The following CSMD1 variants were observed in gnomAD, a reference collection of about 807,000 sequenced individuals.
CSMD1 encodes CUB and sushi domain-containing protein 1.
Under a neutral mutation model 417.5 loss-of-function variants are expected in CSMD1, and 213 were observed. The observed-to-expected ratio is 0.51, with a 90% CI of 0.46 to 0.57. CSMD1 has a LOEUF of 0.57. Ranked by LOEUF, CSMD1 falls within the 20% of genes least tolerant of loss-of-function variation. The probability of loss-of-function intolerance (pLI) is 0.00; values close to 1 mark genes in which losing one functional copy is unlikely to be tolerated. For missense variants in CSMD1, 6,923 were observed against 4,529.7 expected (o/e 1.53, Z -15.17); for synonymous variants, 2,862 against 1,736.8 (o/e 1.65, Z -16.11).
intron 3 of CSMD1, among the ~76,000 whole-genome samples, chr8:4,115,156 T>C (rs1315585190): frequency 6.6e-6 from 1 of 152,210 alleles, no homozygotes; most frequent in East Asian, 1.9e-4. Flanking sequence ...CAATATCTCA[T>C]TTTAAGAAAT....
At chr8:3,442,654 C>T (rs1297249434) in intron 12 of CSMD1, among the ~76,000 whole-genome samples, 1 of 152,116 alleles carries the variant, frequency 6.6e-6, no homozygotes, top group East Asian at 1.9e-4. Flanking sequence ...TGTTTGCATA[C>T]TGTTGAAATC....
chr8:3,772,690 T>C (rs34813157), intron 5 of CSMD1, among the ~76,000 whole-genome samples: 17,289 of 142,420 alleles, frequency 0.12, 1,272 homozygotes, highest in East Asian at 0.28. Flanking sequence ...TACATATATA[T>C]ACAAATATAT....
intron 5 of CSMD1, among the ~76,000 whole-genome samples, chr8:3,787,946 T>C (rs1799537769): frequency 6.6e-6 from 1 of 152,166 alleles, no homozygotes; most frequent in Non-Finnish European, 1.5e-5. Flanking sequence ...TGGGCAGAAA[T>C]CCTTGCATGG....
At chr8:4,175,390 C>G (rs1386872245) in intron 3 of CSMD1, among the ~76,000 whole-genome samples, 2 of 152,142 alleles carry the variant, frequency 1.3e-5, no homozygotes, top group Non-Finnish European at 1.5e-5. Context: ...GATCTTCTCT[C>G]TTACCTGCGC....
chr8:4,414,853 C>A (rs1412873147), intron 3 of CSMD1, among the ~76,000 whole-genome samples: 1 of 152,072 alleles, frequency 6.6e-6, no homozygotes, highest in Non-Finnish European at 1.5e-5. Flanking sequence ...AGAGTAATGG[C>A]CAGAGAGTAG....
intron 2 of CSMD1, among the ~76,000 whole-genome samples, chr8:4,543,484 G>C (rs1250640934): frequency 6.6e-6 from 1 of 151,782 alleles, no homozygotes; most frequent in Non-Finnish European, 1.5e-5. Flanking sequence ...TTTCCCTTTA[G>C]CCCTGAATAA....
chr8:4,029,028 C>T (rs1045329901), intron 4 of CSMD1, among the ~76,000 whole-genome samples: 13 of 152,104 alleles, frequency 8.5e-5, no homozygotes, highest in Admixed American at 7.9e-4. Context: ...GGAGAGGGCA[C>T]TAACTTACAA....
At chr8:3,240,365 G>C (rs1206046864) in intron 26 of CSMD1, among the ~76,000 whole-genome samples, 6 of 152,248 alleles carry the variant, frequency 3.9e-5, no homozygotes, top group Admixed American at 2.6e-4. Flanking sequence ...TAATGGTTTT[G>C]TTAGGATGGC....
At chr8:3,185,822 G>T (rs930633959) in intron 36 of CSMD1, among the ~76,000 whole-genome samples, 4 of 152,138 alleles carry the variant, frequency 2.6e-5, no homozygotes, top group African/African-American at 9.7e-5. Context: ...TATAGATTCT[G>T]AAGAAACTTA....
chr8:3,360,938 T>G lies in CSMD1; in HGVS notation c.3116-1598A>C, dbSNP rs191128531. On this transcript the variant is annotated intron_variant, in intron 20 of 69. Coordinates refer to ENST00000635120, the MANE Select transcript of CSMD1 (RefSeq NM_033225.6). ...ACCTGCACTTTTATAAAAACTTTTA[T>G]GGAACTCTGTACCTAAACACTTCCT... Among the ~76,000 whole-genome samples the G allele has an allele frequency of 2.6e-4, 39 of 152,208 alleles. No homozygotes were observed. The East Asian group carries it at 5.0e-3, about 20-fold the overall frequency.
chr8:4,178,717 G>C (rs2460374), intron 3 of CSMD1, among the ~76,000 whole-genome samples: 143,532 of 152,280 alleles, frequency 0.94, 68,128 homozygotes, highest in Non-Finnish European at 0.99. Flanking sequence ...TAAGCTGATA[G>C]GCAACTTCAG....
At chr8:3,451,589 C>G (rs903304340) in intron 12 of CSMD1, among the ~76,000 whole-genome samples, 1 of 152,070 alleles carries the variant, frequency 6.6e-6, no homozygotes, top group Non-Finnish European at 1.5e-5. Context: ...TCCCCATTTC[C>G]TGTTTTTGTC....
intron 21 of CSMD1, among the ~76,000 whole-genome samples, chr8:3,352,927 T>G (rs543442201): frequency 1.3e-5 from 2 of 151,886 alleles, no homozygotes; most frequent in Admixed American, 1.3e-4. Flanking sequence ...CAAAAACACA[T>G]GGGGGTATAT....
At position 4,195,897 on chromosome 8, in the gene CSMD1, C is replaced by G. The variant is rs539222939; in HGVS notation, c.416-163798G>C. On this transcript the variant is annotated intron_variant, in intron 3 of 69. Coordinates refer to ENST00000635120, the MANE Select transcript of CSMD1 (RefSeq NM_033225.6). ...TACGGCAGAGGACTCAGCACAGTCC[C>G]ACCCCGAGAAAACTATGAGATAAAA... is the stretch of plus-strand genomic sequence containing the variant. Among the ~76,000 whole-genome samples, 6 of 152,170 alleles carry G rather than the reference C, an allele frequency of 3.9e-5. No individual in the cohort carries two copies. In the East Asian group the frequency reaches 9.7e-4, roughly 25 times the overall value.
At chr8:3,712,821 A>G (rs571976870) in intron 6 of CSMD1, among the ~76,000 whole-genome samples, 1 of 152,296 alleles carries the variant, frequency 6.6e-6, no homozygotes, top group South Asian at 2.1e-4. Flanking sequence ...ACAATTTCAA[A>G]TACATTGTGG....
At chr8:3,432,592 C>T (rs571643945) in intron 12 of CSMD1, among the ~76,000 whole-genome samples, 1 of 149,384 alleles carries the variant, frequency 6.7e-6, no homozygotes, top group African/African-American at 2.5e-5. Flanking sequence ...TCACTGCAAC[C>T]TCAACTTCTG....
At chr8:4,939,318 G>T (rs1807826666) in intron 1 of CSMD1, among the ~76,000 whole-genome samples, 1 of 152,164 alleles carries the variant, frequency 6.6e-6, no homozygotes, top group African/African-American at 2.4e-5. Context: ...CAAAGGAGAA[G>T]TCCATATGTC....
chr8:3,094,356 C>A (rs534286645), intron 47 of CSMD1, among the ~76,000 whole-genome samples: 17 of 152,138 alleles, frequency 1.1e-4, no homozygotes, highest in Non-Finnish European at 1.3e-4. Flanking sequence ...CCATTCACCT[C>A]GGTCTCCTAA....
intron 32 of CSMD1, among the ~76,000 whole-genome samples, chr8:3,201,322 A>C (rs937280227): frequency 6.6e-6 from 1 of 152,186 alleles, no homozygotes; most frequent in African/African-American, 2.4e-5. Context: ...TTAAACACAG[A>C]TGATAGTTGA....
Sources: allele counts gnomAD v4.1 joint callset (sites outside exome capture counted in the v4.1 genomes callset), GRCh38; gene constraint gnomAD v4.1.1; transcripts MANE v1.5; gene names NCBI Gene and HGNC (gene_info 2026-07-23, HGNC 2026-07-21).